Variants in WBP2NL observed in about 807,000 individuals in gnomAD.
The protein encoded by WBP2NL is WBP2 N-terminal like.
Under a neutral mutation model 23.3 loss-of-function variants are expected in WBP2NL, and 27 were observed. That is an observed-to-expected ratio of 1.16 (90% CI 0.85 to 1.60). The LOEUF is 1.60. Among genes scored for constraint, WBP2NL ranks in the 40% most tolerant of loss-of-function variants. WBP2NL has a pLI of 0.00. For missense variants in WBP2NL, 370 were observed against 389.5 expected, an observed-to-expected ratio of 0.95 and a Z score of 0.42; for synonymous variants, 151 against 145.9, an observed-to-expected ratio of 1.03 and a Z score of -0.25.
chr22:42,045,602 C>T (rs1925557604), intron 8 of WBP2NL, among the ~76,000 whole-genome samples: 1 of 152,086 alleles, frequency 6.6e-6, no homozygotes, highest in Non-Finnish European at 1.5e-5. Context: ...AGCTCTCTGC[C>T]CACAAATTCG....
At chr22:42,052,915 T>C (rs1925887016) in intron 8 of WBP2NL, among the ~76,000 whole-genome samples, 1 of 152,232 alleles carries the variant, frequency 6.6e-6, no homozygotes, top group African/African-American at 2.4e-5. Flanking sequence ...TACAGAAAGA[T>C]AGGCAACCGT....
intron 8 of WBP2NL, among the ~76,000 whole-genome samples, chr22:42,048,697 A>G (rs1925694496): frequency 6.6e-6 from 1 of 150,936 alleles, no homozygotes; most frequent in South Asian, 2.1e-4. Context: ...CGGAGCTTGC[A>G]GTGAGCCAGG....
At chr22:42,033,443 C>G (rs1181621948), downstream of WBP2NL, among the ~76,000 whole-genome samples, 1 of 152,180 alleles carries the variant, frequency 6.6e-6, no homozygotes, top group East Asian at 1.9e-4. Flanking sequence ...TGTCTCAACC[C>G]TGTTTGTGTT....
chr22:42,021,146 C>T (rs1413906404), intron 4 of WBP2NL, among the ~76,000 whole-genome samples: 1 of 151,548 alleles, frequency 6.6e-6, no homozygotes, highest in Non-Finnish European at 1.5e-5. Context: ...TCTCGAACTC[C>T]TGACCTCAGG....
intron 1 of WBP2NL, chr22:42,003,482 T>C (rs1483367304): frequency 6.6e-6 from 1 of 152,204 alleles, no homozygotes; most frequent in Non-Finnish European, 1.5e-5. Flanking sequence ...TGTAATTTAT[T>C]CTGTCAGAGC....
chr22:42,021,785 CTTTCTT>C (rs1458515559), intron 4 of WBP2NL, among the ~76,000 whole-genome samples: 1 of 127,820 alleles, frequency 7.8e-6, no homozygotes, highest in African/African-American at 3.4e-5. Context: ...TCTTTTCTTT[CTTTCTT>C]TTTTTTTTTT....
chr22:42,016,509 G>T (rs1397514254), intron 1 of WBP2NL, among the ~76,000 whole-genome samples: 2 of 152,150 alleles, frequency 1.3e-5, no homozygotes, highest in Admixed American at 1.3e-4. Flanking sequence ...TGATACCAGG[G>T]TAGGTTAAAA....
At chr22:41,999,193 C>T (rs886735545) in intron 1 of WBP2NL, among the ~76,000 whole-genome samples, 1 of 152,222 alleles carries the variant, frequency 6.6e-6, no homozygotes, top group African/African-American at 2.4e-5. Flanking sequence ...GTGTGTCCTT[C>T]GAAGAGAGGC....
At chr22:42,010,581 C>T (rs575503630) in intron 1 of WBP2NL, among the ~76,000 whole-genome samples, 1 of 152,160 alleles carries the variant, frequency 6.6e-6, no homozygotes, top group African/African-American at 2.4e-5. Flanking sequence ...CTCTGTTGCC[C>T]AGGCTGGAGT....
intron 8 of WBP2NL, among the ~76,000 whole-genome samples, chr22:42,052,446 T>G (rs543626323): frequency 6.6e-6 from 1 of 152,074 alleles, no homozygotes; most frequent in East Asian, 1.9e-4. Flanking sequence ...GCCCAGCTAA[T>G]TTTTTGTATT....
chr22:42,033,621 C>T (rs1925072932), downstream of WBP2NL, among the ~76,000 whole-genome samples: 1 of 151,968 alleles, frequency 6.6e-6, no homozygotes. Flanking sequence ...GTGGGTAGCT[C>T]CTATCTGCAG....
Position 42,047,402 on chromosome 22 carries a change from C to T in WBP2NL, c.*274-10888C>T, listed in dbSNP as rs531271002. ...GCTCATGCCTCGAGACCAGCCTGGC[C>T]AACATGGTGAAACCCTGTCTCTACT... On this transcript the variant is annotated intron_variant and NMD_transcript_variant, in intron 8 of 8. Coordinates refer to the WBP2NL transcript ENST00000436265. 7.3e-5 allele frequency among the ~76,000 whole-genome samples: 11 copies of T among 151,684 alleles called. No homozygotes were observed. In the East Asian group the frequency reaches 2.0e-3, roughly 27 times the overall value.
intron 5 of WBP2NL, among the ~76,000 whole-genome samples, chr22:42,023,189 GTTTT>G (rs133343): frequency 0.43 from 65,000 of 149,966 alleles, 15,385 homozygotes; most frequent in East Asian, 0.85. Flanking sequence ...AAAAAGTGGT[GTTTT>G]TTTTTTTTGG....
In WBP2NL at chr22:42,017,974, C is replaced by T. The variant is rs2413664; in HGVS notation, c.63-1337C>T. 4.3e-3 allele frequency among the ~76,000 whole-genome samples: 646 copies of T among 151,710 alleles called. 5 individuals are homozygous for T. Among genetic ancestry groups the T allele is most frequent in the Non-Finnish European group, 7.1e-3 (483 of 67,842 alleles). On this transcript the variant is annotated intron_variant, in intron 1 of 5. Transcript: ENST00000328823. ...GACCAGCCTGGCCAACATGGTGAAA[C>T]CCCGTCTCTACCAAAAAATACAAAA...
At chr22:42,020,277 T>G (rs1923769859) in intron 4 of WBP2NL, among the ~76,000 whole-genome samples, 181 bp downstream of exon 4, 1 of 152,074 alleles carries the variant, frequency 6.6e-6, no homozygotes, top group Non-Finnish European at 1.5e-5. Context: ...TGAACTCAAA[T>G]GATCCTCTTG....
intron 8 of WBP2NL, among the ~76,000 whole-genome samples, chr22:42,045,097 C>T (rs956850780): frequency 6.6e-6 from 1 of 152,096 alleles, no homozygotes; most frequent in African/African-American, 2.4e-5. Flanking sequence ...TCCCAAAGCA[C>T]TGTGATTAGA....
downstream of WBP2NL, among the ~76,000 whole-genome samples, chr22:42,029,396 G>C (rs1278992817): frequency 1.3e-5 from 2 of 149,286 alleles, no homozygotes; most frequent in Non-Finnish European, 3.0e-5. Flanking sequence ...TTTTGAGACA[G>C]AGTCTTGCTT....
At chr22:41,999,308 TCTC>T (rs751751977) in intron 1 of WBP2NL, among the ~76,000 whole-genome samples, 57 of 152,236 alleles carry the variant, frequency 3.7e-4, no homozygotes, top group Non-Finnish European at 7.1e-4. Flanking sequence ...TGGGTGTGTA[TCTC>T]CTCCTACTTC....
intron 2 of WBP2NL, 100 bp downstream of exon 2, chr22:42,019,519 T>C: frequency 6.5e-7 from 1 of 1,540,624 alleles, no homozygotes; most frequent in South Asian, 1.2e-5. Context: ...TTTTTAAACG[T>C]GCGCTTTGGG....
Sources: gnomAD v4.1 joint callset for allele counts (sites outside exome capture counted in the v4.1 genomes callset) on GRCh38, gnomAD v4.1.1 for gene constraint, MANE v1.5 for transcripts, NCBI Gene and HGNC (gene_info 2026-07-23, HGNC 2026-07-21) for gene names.